Variants in TRIM37 observed in about 807,000 individuals in gnomAD.
The protein encoded by TRIM37 is tripartite motif containing 37.
TRIM37 carries 80 observed loss-of-function variants against 129.8 expected under a neutral mutation model. The ratio of observed to expected loss-of-function variants is 0.62; its 90% CI spans 0.51 to 0.74. The LOEUF is 0.74. Ranked by LOEUF, TRIM37 falls within the 30% of genes least tolerant of loss-of-function variation. The probability of loss-of-function intolerance (pLI) is 0.00; values close to 1 mark genes in which losing one functional copy is unlikely to be tolerated. For missense variants in TRIM37, 1,054 were observed against 1,176.5 expected (o/e 0.90, Z 1.52); for synonymous variants, 389 against 387.1 (o/e 1.00, Z -0.06).
intron 21 of TRIM37, among the ~76,000 whole-genome samples, chr17:59,014,265 G>A (rs904036565): frequency 5.9e-5 from 9 of 152,274 alleles, no homozygotes; most frequent in African/African-American, 2.2e-4. Flanking sequence ...TAAACTTAAA[G>A]GGTGTTAATC....
At chr17:59,082,132 G>T (rs573265439) in intron 5 of TRIM37, among the ~76,000 whole-genome samples, 1 of 150,718 alleles carries the variant, frequency 6.6e-6, no homozygotes, top group African/African-American at 2.4e-5. Context: ...TTAGCTGGGC[G>T]TGGTGGCATG....
At chr17:58,976,101 T>A in the TRIM37 span, among the ~76,000 whole-genome samples, 3 of 152,148 alleles carry the variant, frequency 2.0e-5, no homozygotes, top group African/African-American at 7.2e-5. Flanking sequence ...ATTGTTTCTA[T>A]TTTTAGGACG....
chr17:59,001,868 A>C, intron 22 of TRIM37, 154 bp from the exon 23 acceptor site: 5 of 1,067,648 alleles, frequency 4.7e-6, no homozygotes, highest in Non-Finnish European at 5.4e-6. Flanking sequence ...ACAAAGACAA[A>C]AGTAACCGCA....
intron 9 of TRIM37, among the ~76,000 whole-genome samples, chr17:59,068,177 T>C (rs112650838): frequency 2.0e-5 from 3 of 152,344 alleles, no homozygotes; most frequent in African/African-American, 7.2e-5. Context: ...GAGAAGGCCC[T>C]GAAAGTGATT....
At chr17:59,042,517 C>T (rs556905372) in intron 16 of TRIM37, among the ~76,000 whole-genome samples, 2 of 142,992 alleles carry the variant, frequency 1.4e-5, no homozygotes, top group African/African-American at 5.3e-5. Flanking sequence ...AATCCCAGAA[C>T]TTTGGGAGGC....
intron 12 of TRIM37, among the ~76,000 whole-genome samples, 193 bp downstream of exon 12, chr17:59,060,839 G>A (rs956135582): frequency 2.0e-5 from 3 of 152,058 alleles, no homozygotes; most frequent in Admixed American, 6.6e-5. Context: ...TTCTAAAAAC[G>A]CAAAGCAATA....
intron 2 of TRIM37, among the ~76,000 whole-genome samples, chr17:59,099,503 C>T (rs1267660657): frequency 1.3e-5 from 2 of 151,584 alleles, no homozygotes; most frequent in Non-Finnish European, 2.9e-5. Flanking sequence ...CCGAACTGTA[C>T]CCTTAAATAT....
At chr17:59,073,642 G>A (rs937399519) in intron 8 of TRIM37, among the ~76,000 whole-genome samples, 3 of 152,126 alleles carry the variant, frequency 2.0e-5, no homozygotes, top group Admixed American at 1.3e-4. Flanking sequence ...CCAGGCGAGC[G>A]CCGTGGCTAT....
At chr17:59,025,428 A>C (rs958377316) in intron 19 of TRIM37, among the ~76,000 whole-genome samples, 4 of 151,426 alleles carry the variant, frequency 2.6e-5, no homozygotes, top group African/African-American at 7.3e-5. Flanking sequence ...AATGTTAATT[A>C]TATTATTAAT....
At chr17:58,979,970 G>T (rs1382561249), downstream of TRIM37, 4 of 1,606,702 alleles carry the variant, frequency 2.5e-6, no homozygotes, top group Non-Finnish European at 3.4e-6. Context: ...TCTGCTTCCC[G>T]CAGGAGATGC....
intron 17 of TRIM37, 93 bp from the exon 18 acceptor site, chr17:59,032,183 G>A: frequency 7.7e-7 from 1 of 1,290,884 alleles, no homozygotes; most frequent in South Asian, 1.2e-5. Context: ...ATGAATACTT[G>A]TCTATGGACC....
chr17:59,028,593 C>A lies in TRIM37; in HGVS notation c.2079G>T (p.Lys693Asn). ...AEVRCMKTDVKNTLSEIKSSS... is the reference protein window; with the variant it reads ...AEVRCMKTDVNNTLSEIKSSS... ...TGCTTTTTATTTCTGAAAGTGTATTCTTTACATCAGTTTTCATACATCGAA... is the reference window on the plus strand; with the variant it reads ...TGCTTTTTATTTCTGAAAGTGTATTATTTACATCAGTTTTCATACATCGAA... Residue 693 changes from lysine (K) to asparagine (N), a missense_variant, in exon 19 of 24, where the codon AAG becomes AAT. Lys to Asn is a moderately conservative substitution (Grantham distance 94). Coordinates refer to ENST00000262294, the MANE Select transcript of TRIM37 (RefSeq NM_015294.6). The A allele has an allele frequency of 6.2e-7, 1 of 1,614,170 alleles. No individual in the cohort carries two copies. Among genetic ancestry groups the A allele is most frequent in the Non-Finnish European group, 8.5e-7 (1 of 1,180,030 alleles).
Position 59,047,729 on chromosome 17 carries a change from TG to T in TRIM37, c.1620del (p.Thr541GlnfsTer29), listed in dbSNP as rs2039961254. On this transcript the variant is annotated frameshift_variant, in exon 16 of 24. Transcript: ENST00000262294. LOFTEE classifies it high-confidence loss of function. The stretch of plus-strand genomic sequence containing the variant: ...TTTTCTTCTGTATTACTTGTTGCTG[TG>T]GAACTAGCAGAGGAACTGCTGCCAT... The part of the protein sequence containing the change: ...QLDGSSSSAS[S>X]TATSNTEEND... The T allele has an allele frequency of 1.9e-6, 3 of 1,614,050 alleles. No individual in the cohort carries two copies. The highest frequency in any genetic ancestry group is 2.5e-6 in the Non-Finnish European group (3 of 1,179,940).
At chr17:58,999,607 G>A (rs2033417395) in intron 23 of TRIM37, 148 bp from the exon 24 acceptor site, 1 of 716,782 alleles carries the variant, frequency 1.4e-6, no homozygotes, top group East Asian at 2.9e-5. Context: ...TCTGTCTTCA[G>A]AGAATTTGTG....
intron 24 of TRIM37, among the ~76,000 whole-genome samples, chr17:58,991,047 C>T (rs1336320409): frequency 1.3e-5 from 2 of 150,684 alleles, no homozygotes; most frequent in Non-Finnish European, 3.0e-5. Flanking sequence ...TGGTGGCGCA[C>T]GCCTGTAATC....
At chr17:59,002,462 A>C (rs1310282997) in intron 22 of TRIM37, among the ~76,000 whole-genome samples, 2 of 152,012 alleles carry the variant, frequency 1.3e-5, no homozygotes, top group Non-Finnish European at 2.9e-5. Context: ...CTGGTCTTGA[A>C]ATCCTGGGCT....
chr17:59,042,720 A>G (rs956470869), intron 16 of TRIM37, among the ~76,000 whole-genome samples: 1 of 151,598 alleles, frequency 6.6e-6, no homozygotes, highest in African/African-American at 2.4e-5. Flanking sequence ...CCAAGATTGC[A>G]CTACTGCACT....
chr17:59,048,094 G>A (rs1445364987), intron 15 of TRIM37, among the ~76,000 whole-genome samples: 3 of 151,968 alleles, frequency 2.0e-5, no homozygotes, highest in Non-Finnish European at 4.4e-5. Flanking sequence ...ACAGAGTAAC[G>A]TTTCAAACCA....
chr17:59,072,574 C>G (rs1434961425), intron 8 of TRIM37, among the ~76,000 whole-genome samples: 1 of 151,836 alleles, frequency 6.6e-6, no homozygotes, highest in Admixed American at 6.6e-5. Flanking sequence ...ATGGTGAAAC[C>G]CCATCTCTAC....
Sources: allele counts gnomAD v4.1 joint callset (sites outside exome capture counted in the v4.1 genomes callset), GRCh38; gene constraint gnomAD v4.1.1; transcripts MANE v1.5; gene names NCBI Gene and HGNC (gene_info 2026-07-23, HGNC 2026-07-21).